The following TRHDE variants were observed in gnomAD, a reference collection of about 807,000 sequenced individuals.
TRHDE encodes thyrotropin releasing hormone degrading enzyme, also known as thyrotropin-releasing hormone-degrading ectoenzyme.
A neutral mutation model predicts 125.7 loss-of-function variants in TRHDE; 72 were observed. The observed-to-expected ratio is 0.57, with a 90% CI of 0.47 to 0.70. The LOEUF (loss-of-function observed/expected upper bound fraction) is 0.70. Ranked by LOEUF, TRHDE falls within the 30% of genes least tolerant of loss-of-function variation. TRHDE has a pLI of 0.00. For missense variants in TRHDE, 1,110 were observed against 1,327.1 expected, an observed-to-expected ratio of 0.84 and a Z score of 2.54; for synonymous variants, 509 against 509.1, an observed-to-expected ratio of 1.00 and a Z score of 0.00.
At chr12:72,643,857 C>T (rs1415438791) in intron 15 of TRHDE, among the ~76,000 whole-genome samples, 1 of 152,054 alleles carries the variant, frequency 6.6e-6, no homozygotes, top group East Asian at 1.9e-4. Context: ...ACTGATTAAA[C>T]TGTGGATTTT....
chr12:72,444,295 C>A (rs1182843136), intron 3 of TRHDE, among the ~76,000 whole-genome samples: 1 of 151,856 alleles, frequency 6.6e-6, no homozygotes, highest in Non-Finnish European at 1.5e-5. Flanking sequence ...ACTACAAATT[C>A]CCTTATTCTA....
chr12:72,422,082 G>T (rs1022541083), intron 3 of TRHDE, among the ~76,000 whole-genome samples: 2 of 151,972 alleles, frequency 1.3e-5, no homozygotes, highest in East Asian at 3.9e-4. Context: ...TGAAACAATG[G>T]TTTAAAATGT....
At chr12:72,101,138 C>T (rs1460142484) in intron 1 of TRHDE, among the ~76,000 whole-genome samples, 4 of 152,096 alleles carry the variant, frequency 2.6e-5, no homozygotes, top group African/African-American at 9.7e-5. Context: ...CATCTAGAAG[C>T]CTAATAAATT....
At chr12:72,564,361 A>G (rs966397313) in intron 9 of TRHDE, among the ~76,000 whole-genome samples, 1 of 152,192 alleles carries the variant, frequency 6.6e-6, no homozygotes, top group African/African-American at 2.4e-5. Context: ...TGGCCTTGCC[A>G]GGAAGTACAT....
At position 72,124,311 on chromosome 12, in the gene TRHDE, A is replaced by G. The variant is rs543731059; in HGVS notation, n.279+18559A>G. On this transcript the variant is annotated intron_variant and non_coding_transcript_variant, in intron 2 of 4. Coordinates refer to the TRHDE transcript ENST00000548156. The stretch of plus-strand genomic sequence containing the variant: ...GGTACTTGAGATACATCAGCAAACC[A>G]AATAACTTTTTTTGTTCAGATCATA... Among the ~76,000 whole-genome samples the G allele has an allele frequency of 1.5e-3, 228 of 152,340 alleles. 1 individual carries two copies. Among genetic ancestry groups the G allele is most frequent in the African/African-American group, 5.0e-3 (209 of 41,590 alleles).
intron 2 of TRHDE, among the ~76,000 whole-genome samples, chr12:72,157,749 A>G (rs555256411): frequency 1.3e-5 from 2 of 152,330 alleles, no homozygotes; most frequent in South Asian, 4.1e-4. Flanking sequence ...AAGATGTTGA[A>G]TTGACTGTTG....
chr12:72,372,342 C>T (rs923417527), intron 2 of TRHDE, among the ~76,000 whole-genome samples: 48 of 151,850 alleles, frequency 3.2e-4, no homozygotes, highest in Non-Finnish European at 6.3e-4. Context: ...TTGTAGGTTG[C>T]CTGTTCACTC....
intron 2 of TRHDE, among the ~76,000 whole-genome samples, chr12:72,207,756 A>G (rs571378823): frequency 7.9e-5 from 12 of 152,302 alleles, no homozygotes; most frequent in African/African-American, 2.6e-4. Context: ...TCTGCAAGCA[A>G]TGAAGCCACA....
intron 13 of TRHDE, 105 bp downstream of exon 13, chr12:72,619,143 T>TA: frequency 1.1e-6 from 1 of 918,794 alleles, no homozygotes; most frequent in South Asian, 3.0e-5. Context: ...AGTTTGTTCT[T>TA]CTAGTTTGTG....
intron 9 of TRHDE, among the ~76,000 whole-genome samples, chr12:72,568,029 T>C (rs1349899343): frequency 1.3e-5 from 2 of 152,118 alleles, no homozygotes; most frequent in Non-Finnish European, 2.9e-5. Flanking sequence ...TTTCTATTGA[T>C]CTGGATTGTA....
intron 2 of TRHDE, among the ~76,000 whole-genome samples, chr12:72,374,416 T>C (rs1193643540): frequency 1.3e-5 from 2 of 151,736 alleles, no homozygotes; most frequent in Non-Finnish European, 2.9e-5. Context: ...GACAGTTGAA[T>C]TCATGAGTCT....
intron 2 of TRHDE, among the ~76,000 whole-genome samples, chr12:72,338,158 T>C (rs1869916573): frequency 6.6e-6 from 1 of 152,220 alleles, no homozygotes; most frequent in Non-Finnish European, 1.5e-5. Flanking sequence ...TGGCTATACT[T>C]ATTTATTAGA....
intron 2 of TRHDE, chr12:72,309,692 T>C (rs200826967): frequency 6.9e-6 from 1 of 145,316 alleles, no homozygotes; most frequent in Non-Finnish European, 1.5e-5. Flanking sequence ...GTTTTTTTTT[T>C]CCTTTCAGTT....
At chr12:72,275,456 C>G (rs1351767908) in intron 1 of TRHDE, among the ~76,000 whole-genome samples, 1 of 152,166 alleles carries the variant, frequency 6.6e-6, no homozygotes, top group Non-Finnish European at 1.5e-5. Context: ...CTTCCTCCAA[C>G]ATGTTCTAAA....
intron 6 of TRHDE, among the ~76,000 whole-genome samples, chr12:72,499,853 A>T (rs1481824386): frequency 6.6e-6 from 1 of 152,218 alleles, no homozygotes; most frequent in Non-Finnish European, 1.5e-5. Context: ...ATGCATAGAA[A>T]TATTGGAAAT....
Position 72,290,556 on chromosome 12 carries a change from G to A in TRHDE, c.1188+3602G>A, listed in dbSNP as rs145525303. Among the ~76,000 whole-genome samples the A allele has an allele frequency of 4.6e-5, 7 of 152,310 alleles. No homozygotes were observed. The East Asian group carries it at 1.3e-3, about 29-fold the overall frequency. The stretch of plus-strand genomic sequence containing the variant: ...AGGAATTTGGAAGGGCACAGTGGTG[G>A]CAACTTCTCTGTGTTCAATAATGTC... On this transcript the variant is annotated intron_variant, in intron 2 of 18. Transcript: ENST00000261180.
intron 2 of TRHDE, among the ~76,000 whole-genome samples, chr12:72,324,191 G>A (rs1869234461): frequency 6.6e-6 from 1 of 152,024 alleles, no homozygotes; most frequent in African/African-American, 2.4e-5. Flanking sequence ...GTACCTACTA[G>A]GTACTTTTTA....
chr12:72,239,017 A>G (rs1256902242), intron 2 of TRHDE, among the ~76,000 whole-genome samples: 1 of 152,186 alleles, frequency 6.6e-6, no homozygotes, highest in Non-Finnish European at 1.5e-5. Context: ...AACAGTGTAA[A>G]AGCATTCCTA....
At chr12:72,161,736 A>G (rs1174693439) in intron 2 of TRHDE, among the ~76,000 whole-genome samples, 1 of 152,198 alleles carries the variant, frequency 6.6e-6, no homozygotes, top group African/African-American at 2.4e-5. Flanking sequence ...TTATTTTCAT[A>G]TTTAAGAATG....
Sources: gnomAD v4.1 joint callset for allele counts (sites outside exome capture counted in the v4.1 genomes callset) on GRCh38, gnomAD v4.1.1 for gene constraint, MANE v1.5 for transcripts, NCBI Gene and HGNC (gene_info 2026-07-23, HGNC 2026-07-21) for gene names.